The following TMEM150C variants were observed in gnomAD, a reference collection of about 807,000 sequenced individuals.
The protein encoded by TMEM150C is transmembrane protein 150C, also known as tentonin 3.
A neutral mutation model predicts 29.9 loss-of-function variants in TMEM150C; 10 were observed. That is an observed-to-expected ratio of 0.33 (90% CI 0.21 to 0.57). TMEM150C has a LOEUF of 0.57. TMEM150C is among the 20% of genes least tolerant of loss of function. The pLI, the probability that TMEM150C is intolerant of heterozygous loss-of-function variation, is 0.88. For missense variants in TMEM150C, 251 were observed against 303.6 expected, an observed-to-expected ratio of 0.83 and a Z score of 1.29; for synonymous variants, 101 against 112.5, an observed-to-expected ratio of 0.90 and a Z score of 0.64.
chr4:82,523,236 G>C (rs997853141), intron 1 of TMEM150C, among the ~76,000 whole-genome samples: 1 of 152,154 alleles, frequency 6.6e-6, no homozygotes. Flanking sequence ...GATGGGGGCG[G>C]GGGGGTGCTC....
chr4:82,534,652 C>G (rs550453918), intron 1 of TMEM150C, among the ~76,000 whole-genome samples: 7 of 152,264 alleles, frequency 4.6e-5, no homozygotes, highest in Admixed American at 3.3e-4. Flanking sequence ...AATGCAGATT[C>G]CTGGTTTACA....
chr4:82,535,179 T>C (rs186654081), intron 1 of TMEM150C, among the ~76,000 whole-genome samples: 32 of 152,312 alleles, frequency 2.1e-4, no homozygotes, highest in Non-Finnish European at 3.4e-4. Context: ...TTATAAAGAA[T>C]AGGAGTTGAT....
At chr4:82,561,414 G>T in intron 1 of TMEM150C, among the ~76,000 whole-genome samples, 1 of 152,256 alleles carries the variant, frequency 6.6e-6, no homozygotes, top group African/African-American at 2.4e-5. Flanking sequence ...TCCCGAGCCA[G>T]CCTGACCTGG....
intron 1 of TMEM150C, among the ~76,000 whole-genome samples, chr4:82,533,972 G>A (rs1433251841): frequency 6.6e-6 from 1 of 152,168 alleles, no homozygotes; most frequent in Non-Finnish European, 1.5e-5. Flanking sequence ...AAGTTGGTGC[G>A]ATCCCTAATC....
chr4:82,489,532 C>G (rs1381404601), intron 7 of TMEM150C, among the ~76,000 whole-genome samples: 1 of 152,108 alleles, frequency 6.6e-6, no homozygotes, highest in African/African-American at 2.4e-5. Flanking sequence ...AAATGAATAG[C>G]ACCCCAAAAC....
intron 2 of TMEM150C, 125 bp downstream of exon 2, chr4:82,504,453 G>A (rs1042180540): frequency 3.4e-5 from 21 of 622,408 alleles, no homozygotes; most frequent in Non-Finnish European, 3.4e-5. Flanking sequence ...TGCCTGACTC[G>A]GCCTCCCAAA....
intron 6 of TMEM150C, among the ~76,000 whole-genome samples, chr4:82,490,508 TTC>T (rs1319270020): frequency 2.6e-5 from 4 of 152,154 alleles, no homozygotes; most frequent in Non-Finnish European, 5.9e-5. Flanking sequence ...AAAGAAATGT[TTC>T]TACAAGCATA....
At chr4:82,524,991 A>G (rs1724607974) in intron 1 of TMEM150C, among the ~76,000 whole-genome samples, 1 of 152,234 alleles carries the variant, frequency 6.6e-6, no homozygotes. Context: ...CAGCATGGCT[A>G]TAGTACTGGG....
intron 6 of TMEM150C, chr4:82,491,440 G>A (rs1402042570): frequency 1.6e-5 from 11 of 682,362 alleles, no homozygotes; most frequent in Non-Finnish European, 2.6e-5. Context: ...ATGGCTGTCT[G>A]CCACTGCAAC....
chr4:82,562,055 G>A, upstream of TMEM150C: 2 of 1,132,136 alleles, frequency 1.8e-6, no homozygotes, highest in Non-Finnish European at 2.2e-6. Flanking sequence ...CTGCCGCGCC[G>A]GGGCCCGCCC....
At chr4:82,519,857 T>C (rs1363064899) in intron 1 of TMEM150C, among the ~76,000 whole-genome samples, 1 of 152,256 alleles carries the variant, frequency 6.6e-6, no homozygotes, top group Admixed American at 6.5e-5. Context: ...ATAAAAGCTA[T>C]GTGAATGTGC....
intron 7 of TMEM150C, among the ~76,000 whole-genome samples, chr4:82,487,127 T>C (rs1319962809): frequency 6.6e-6 from 1 of 151,940 alleles, no homozygotes; most frequent in Non-Finnish European, 1.5e-5. Flanking sequence ...AGAAAGAGCA[T>C]GAATCAGAAT....
chr4:82,559,193 GA>G (rs1425089901), intron 1 of TMEM150C, among the ~76,000 whole-genome samples: 2 of 152,118 alleles, frequency 1.3e-5, no homozygotes, highest in African/African-American at 4.8e-5. Context: ...GCACCCAGGT[GA>G]AATAAACAGC....
chr4:82,552,442 A>G (rs756669623), intron 1 of TMEM150C, among the ~76,000 whole-genome samples: 7 of 152,112 alleles, frequency 4.6e-5, no homozygotes, highest in Non-Finnish European at 8.8e-5. Flanking sequence ...ACCAGGTGGG[A>G]AAACAGCTCA....
chr4:82,555,053 G>A (rs1049129786), intron 1 of TMEM150C, among the ~76,000 whole-genome samples: 2 of 152,132 alleles, frequency 1.3e-5, no homozygotes, highest in African/African-American at 4.8e-5. Flanking sequence ...TAAGTGATCC[G>A]ATTACATTAA....
intron 1 of TMEM150C, among the ~76,000 whole-genome samples, chr4:82,530,011 C>A (rs1475118591): frequency 6.6e-6 from 1 of 151,598 alleles, no homozygotes; most frequent in African/African-American, 2.4e-5. Context: ...AGAGGACGGG[C>A]CCTCAGCCCA....
At chr4:82,543,146 G>T (rs1391212255) in intron 1 of TMEM150C, among the ~76,000 whole-genome samples, 2 of 152,156 alleles carry the variant, frequency 1.3e-5, no homozygotes, top group African/African-American at 4.8e-5. Context: ...GGCCCAGGGG[G>T]TCTAACTCCA....
chr4:82,534,154 G>A (rs1289282871), intron 1 of TMEM150C, among the ~76,000 whole-genome samples: 2 of 152,166 alleles, frequency 1.3e-5, no homozygotes, highest in African/African-American at 2.4e-5. Context: ...TTAAGGGTGG[G>A]TTCTATTAGT....
rs1221364447 is a variant in TMEM150C at position 82,485,709 on chromosome 4, G to A, written c.552C>T (p.Leu184=). 1 of 1,605,870 alleles carries A rather than the reference G, an allele frequency of 6.2e-7. No individual in the cohort carries two copies. The highest frequency in any genetic ancestry group is 8.5e-7 in the Non-Finnish European group (1 of 1,176,540). ...ITLCVVLYFI[L]MAQSIHMYAA... is the part of the protein sequence containing the mutation. ...CATACATGTGGATGCTTTGGGCCATGAGGATGAAGTCTGGGGAGAAGCAGT... is the reference window on the plus strand; with the variant it reads ...CATACATGTGGATGCTTTGGGCCATAAGGATGAAGTCTGGGGAGAAGCAGT... The change falls in exon 8 of 8, where the codon CTC becomes CTT. Residue 184 remains leucine, a synonymous_variant. Coordinates refer to ENST00000449862, the MANE Select transcript of TMEM150C (RefSeq NM_001080506.3).
Sources: allele counts gnomAD v4.1 joint callset (sites outside exome capture counted in the v4.1 genomes callset), GRCh38; gene constraint gnomAD v4.1.1; transcripts MANE v1.5; gene names NCBI Gene and HGNC (gene_info 2026-07-23, HGNC 2026-07-21).